DOCK3: variants seen among roughly 807,000 people sequenced by gnomAD.
DOCK3 encodes dedicator of cytokinesis 3, also known as dedicator of cytokinesis protein 3.
DOCK3 carries 60 observed loss-of-function variants against 265.6 expected under a neutral mutation model. That is an observed-to-expected ratio of 0.23 (90% CI 0.18 to 0.28). The LOEUF is 0.28. Among genes scored for constraint, DOCK3 ranks in the 10% least tolerant of loss-of-function variants. The pLI, the probability that DOCK3 is intolerant of heterozygous loss-of-function variation, is 1.00. For missense variants in DOCK3, 1,981 were observed against 2,594.3 expected (o/e 0.76, Z 5.14); for synonymous variants, 881 against 938.0 (o/e 0.94, Z 1.11).
chr3:51,082,728 CCCACACATACCTT>C, intron 7 of DOCK3, among the ~76,000 whole-genome samples: 1 of 152,170 alleles, frequency 6.6e-6, no homozygotes, highest in Non-Finnish European at 1.5e-5. Context: ...ACCACCAGTA[CCCACACATACCTT>C]CCAGGACCTG....
Position 51,338,430 on chromosome 3 carries a change from A to G in DOCK3, c.3672+11A>G, listed in dbSNP as rs774720918. 1.0e-5 allele frequency: 16 copies of G among 1,551,806 alleles called. No homozygotes were observed. Among genetic ancestry groups the G allele is most frequent in the South Asian group, 3.6e-5 (3 of 84,058 alleles). ...ACTGTTAACCTGATGGTGAGAGGAC[A>G]TGGGCCCTGACTTCTCTCTGCCTAC... On this transcript the variant is annotated intron_variant, in intron 36 of 52. Transcript: ENST00000266037.
At chr3:51,227,870 G>T (rs2090395548) in intron 16 of DOCK3, 112 bp from the exon 17 acceptor site, 4 of 1,048,424 alleles carry the variant, frequency 3.8e-6, no homozygotes, top group Non-Finnish European at 5.7e-6. Context: ...TTGCCACCTA[G>T]TTAATGAAAG....
intron 2 of DOCK3, among the ~76,000 whole-genome samples, chr3:50,812,635 C>G (rs2043829285): frequency 6.6e-6 from 1 of 152,222 alleles, no homozygotes; most frequent in African/African-American, 2.4e-5. Context: ...AGAGCAAATT[C>G]TCTCTTACTC....
intron 1 of DOCK3, among the ~76,000 whole-genome samples, chr3:50,734,602 G>GTTTTTTTTTTTTT (rs771129941): frequency 9.3e-6 from 1 of 107,372 alleles, no homozygotes; most frequent in African/African-American, 3.7e-5. Flanking sequence ...TTTACAGTGA[G>GTTTTTTTTTTTTT]TTTTTTTTTT....
At chr3:50,778,572 G>A (rs974063377) in intron 1 of DOCK3, 103 bp from the exon 2 acceptor site, 6 of 717,644 alleles carry the variant, frequency 8.4e-6, no homozygotes, top group Non-Finnish European at 1.2e-5. Context: ...TAGTAAAGAA[G>A]GGAAGGTATA....
chr3:51,178,085 A>G (rs557976652), intron 12 of DOCK3, among the ~76,000 whole-genome samples: 1 of 152,166 alleles, frequency 6.6e-6, no homozygotes, highest in Non-Finnish European at 1.5e-5. Context: ...TATGATATTA[A>G]TAAGAGATTC....
intron 5 of DOCK3, 30 bp from the exon 6 acceptor site, chr3:51,064,417 AT>A: frequency 1.2e-6 from 2 of 1,611,914 alleles, no homozygotes; most frequent in Admixed American, 3.3e-5. Context: ...TGTCTCTTGT[AT>A]TTCACCCAAC....
intron 3 of DOCK3, among the ~76,000 whole-genome samples, chr3:50,851,419 G>T (rs898380285): frequency 1.3e-5 from 2 of 152,056 alleles, no homozygotes; most frequent in Admixed American, 1.3e-4. Context: ...ATCCAGATGA[G>T]CTAGAACTCC....
At chr3:50,880,590 C>T in intron 3 of DOCK3, 1 of 173,240 alleles carries the variant, frequency 5.8e-6, no homozygotes, top group South Asian at 1.0e-4. Flanking sequence ...GAAGTTGAAT[C>T]CCCGAATAGA....
chr3:51,260,416 C>G, intron 23 of DOCK3, 90 bp downstream of exon 23: 1 of 1,387,894 alleles, frequency 7.2e-7, no homozygotes. Context: ...ATGAAGAAGC[C>G]CTGCCAGGAT....
chr3:50,817,740 T>C (rs1349694598), intron 2 of DOCK3, among the ~76,000 whole-genome samples: 3 of 152,192 alleles, frequency 2.0e-5, no homozygotes, highest in Non-Finnish European at 2.9e-5. Flanking sequence ...AGTCTCCTTT[T>C]TCTCTCTTCC....
chr3:51,096,183 C>T (rs543096616), intron 9 of DOCK3, among the ~76,000 whole-genome samples: 1 of 152,142 alleles, frequency 6.6e-6, no homozygotes, highest in African/African-American at 2.4e-5. Context: ...GTTGGCCTTT[C>T]TTACTAGGTT....
At chr3:51,139,047 A>C (rs2084929026) in intron 9 of DOCK3, among the ~76,000 whole-genome samples, 1 of 152,132 alleles carries the variant, frequency 6.6e-6, no homozygotes, top group Non-Finnish European at 1.5e-5. Context: ...TCATTTAGGG[A>C]CCAAGACTAA....
intron 12 of DOCK3, among the ~76,000 whole-genome samples, chr3:51,198,633 C>CTAA (rs2088479767): frequency 6.7e-6 from 1 of 149,350 alleles, no homozygotes; most frequent in Non-Finnish European, 1.5e-5. Flanking sequence ...GAGACTATGA[C>CTAA]TAATACAATC....
chr3:50,877,998 C>A (rs1240963036), intron 3 of DOCK3, among the ~76,000 whole-genome samples: 1 of 152,208 alleles, frequency 6.6e-6, no homozygotes, highest in Non-Finnish European at 1.5e-5. Flanking sequence ...GCTGGTGATA[C>A]CCAGGCAAAC....
At position 51,333,007 on chromosome 3, in the gene DOCK3, G is replaced by A. The variant is rs747017410; in HGVS notation, c.3495G>A (p.Gln1165=). The stretch of plus-strand genomic sequence containing the variant: ...TTTCTGCTGCATGGAGTAGAACCCA[G>A]CTGTTTGGGCCCTACCCCAGGTAAG... ...SYRELFSLLT[Q]LFGPYPSLLE... is the part of the protein sequence containing the mutation. The change falls in exon 34 of 53, where the codon CAG becomes CAA. Residue 1165 remains glutamine (Q), a synonymous_variant. Transcript: ENST00000266037. 3 of 1,613,970 alleles carry A rather than the reference G, an allele frequency of 1.9e-6. No homozygotes were observed. Among genetic ancestry groups the A allele is most frequent in the Non-Finnish European group, 2.5e-6 (3 of 1,179,886 alleles).
intron 4 of DOCK3, among the ~76,000 whole-genome samples, chr3:50,894,061 A>G (rs2048776639): frequency 6.6e-6 from 1 of 152,018 alleles, no homozygotes. Context: ...GCACACCAAC[A>G]TGGCACTTGT....
chr3:50,817,298 C>T (rs919872871), intron 2 of DOCK3, among the ~76,000 whole-genome samples: 3 of 152,082 alleles, frequency 2.0e-5, no homozygotes, highest in Non-Finnish European at 4.4e-5. Context: ...AAATGTAGCT[C>T]AGTAGGTTTT....
chr3:51,286,432 A>G (rs1236411400), intron 27 of DOCK3, among the ~76,000 whole-genome samples: 1 of 152,178 alleles, frequency 6.6e-6, no homozygotes, highest in Admixed American at 6.5e-5. Flanking sequence ...ATTCCTATTA[A>G]ATTACCAATG....
Sources: gnomAD v4.1 joint callset for allele counts (sites outside exome capture counted in the v4.1 genomes callset) on GRCh38, gnomAD v4.1.1 for gene constraint, MANE v1.5 for transcripts, NCBI Gene and HGNC (gene_info 2026-07-23, HGNC 2026-07-21) for gene names.